Variants in CSMD3 observed in about 807,000 individuals in gnomAD.
CSMD3 encodes the protein CUB and sushi domain-containing protein 3.
In CSMD3, 177 loss-of-function variants were observed where a neutral mutation model predicts 435.2. The ratio of observed to expected loss-of-function variants is 0.41; its 90% CI spans 0.36 to 0.46. The LOEUF (loss-of-function observed/expected upper bound fraction) is 0.46, where lower values mean the gene tolerates loss of function less well. Among genes scored for constraint, CSMD3 ranks in the 20% least tolerant of loss-of-function variants. The pLI is 0.34. For missense variants in CSMD3, 4,265 were observed against 4,504.6 expected (o/e 0.95, Z 1.52); for synonymous variants, 1,656 against 1,520.5 (o/e 1.09, Z -2.07).
intron 1 of CSMD3, among the ~76,000 whole-genome samples, chr8:113,357,628 G>A (rs2094240812): frequency 6.6e-6 from 1 of 152,148 alleles, no homozygotes; most frequent in African/African-American, 2.4e-5. Context: ...AGTATGATAT[G>A]GTTTGGCTTG....
intron 22 of CSMD3, among the ~76,000 whole-genome samples, chr8:112,594,522 C>A (rs1831506371): frequency 6.6e-6 from 1 of 152,208 alleles, no homozygotes; most frequent in Admixed American, 6.5e-5. Flanking sequence ...CACCACAGCT[C>A]AAGGAGGCCT....
At position 112,370,035 on chromosome 8, in the gene CSMD3, A is replaced by AGAAGAAGAG. The variant is rs1563852461; in HGVS notation, c.6136+10316_6136+10317insCTCTTCTTC. 1.3e-4 allele frequency among the ~76,000 whole-genome samples: 12 copies of AGAAGAAGAG among 92,606 alleles called. No individual in the cohort carries two copies. The East Asian group carries it at 4.0e-3, about 31-fold the overall frequency. 60.8% of individuals were successfully genotyped at this position (92,606 alleles called of 152,430 possible). A position where few individuals can be genotyped will look rare whatever the true frequency, so the allele number is the denominator to read the frequency against. On this transcript the variant is annotated intron_variant, in intron 38 of 70. Transcript: ENST00000297405. ...AGGAAGAAGAAGAGGAAGAAGAAGA[A>AGAAGAAGAG]GAAGAAGAAGAAGAAGAAGAAGAAG...
At chr8:112,696,146 T>C (rs1425456454) in intron 13 of CSMD3, among the ~76,000 whole-genome samples, 8 of 152,196 alleles carry the variant, frequency 5.3e-5, no homozygotes, top group Admixed American at 1.3e-4. Context: ...ATGGCTATAC[T>C]GCCCAAGGTA....
At chr8:113,170,821 A>T (rs2092254754) in intron 4 of CSMD3, among the ~76,000 whole-genome samples, 1 of 152,272 alleles carries the variant, frequency 6.6e-6, no homozygotes, top group Non-Finnish European at 1.5e-5. Flanking sequence ...GAGAAAAAAA[A>T]GTGACCTGGG....
chr8:112,776,203 A>G (rs780360605), intron 13 of CSMD3, among the ~76,000 whole-genome samples: 2 of 151,902 alleles, frequency 1.3e-5, no homozygotes, highest in African/African-American at 2.4e-5. Flanking sequence ...CACAATAACC[A>G]TAATAATTTA....
rs2130075346 is a variant in CSMD3 at position 112,408,919 on chromosome 8, C to T, written c.5509G>A (p.Gly1837Arg). The change falls in exon 33 of 71, where the codon GGA (glycine) becomes AGA (arginine). Residue 1837 changes from glycine (G) to arginine (R), a missense_variant and splice_region_variant. Transcript: ENST00000297405. ...GCATGGCAGTTCTATTAAAGGATAC[C>T]TGAATGGGATCCTGAGAGGGAAGAT... ...LLSSLSGSHS[G>R]ESLPLSSGNQ... 1 of 1,613,370 alleles carries T rather than the reference C, an allele frequency of 6.2e-7. No homozygotes were observed. The highest frequency in any genetic ancestry group is 8.5e-7 in the Non-Finnish European group (1 of 1,179,568).
At chr8:112,890,174 C>G (rs914370894) in intron 10 of CSMD3, among the ~76,000 whole-genome samples, 32 of 151,754 alleles carry the variant, frequency 2.1e-4, no homozygotes, top group African/African-American at 7.0e-4. Context: ...AATAAAACAT[C>G]AGTGACATTC....
At chr8:112,684,215 A>T (rs945216372) in intron 15 of CSMD3, among the ~76,000 whole-genome samples, 1 of 152,058 alleles carries the variant, frequency 6.6e-6, no homozygotes, top group African/African-American at 2.4e-5. Context: ...AGACATGTAC[A>T]TGAAGTATTT....
At chr8:112,569,512 C>T (rs749477952) in intron 24 of CSMD3, among the ~76,000 whole-genome samples, 3 of 152,124 alleles carry the variant, frequency 2.0e-5, no homozygotes, top group Admixed American at 6.6e-5. Flanking sequence ...TGAAATAAAA[C>T]GCACTTTAAA....
intron 22 of CSMD3, among the ~76,000 whole-genome samples, chr8:112,632,931 T>C (rs1305901036): frequency 6.6e-6 from 1 of 151,964 alleles, no homozygotes; most frequent in Non-Finnish European, 1.5e-5. Flanking sequence ...AGGAAAATCA[T>C]TCAAATACAA....
intron 4 of CSMD3, among the ~76,000 whole-genome samples, chr8:113,135,883 T>TA (rs983993103): frequency 2.0e-5 from 3 of 151,776 alleles, no homozygotes; most frequent in African/African-American, 7.3e-5. Context: ...TTCAAAATAT[T>TA]AAAAAATACG....
chr8:113,433,611 C>A (rs767561809), intron 1 of CSMD3, among the ~76,000 whole-genome samples: 4 of 152,196 alleles, frequency 2.6e-5, no homozygotes, highest in African/African-American at 9.6e-5. Flanking sequence ...GACGCTCTGG[C>A]GTGGGGTGCG....
chr8:112,916,472 C>A (rs866429452), intron 10 of CSMD3, among the ~76,000 whole-genome samples: 23 of 151,410 alleles, frequency 1.5e-4, no homozygotes, highest in African/African-American at 2.7e-4. Flanking sequence ...GAAAAAAAAA[C>A]CACTAAGAAA....
At chr8:112,623,756 T>C (rs1834263927) in intron 22 of CSMD3, among the ~76,000 whole-genome samples, 1 of 151,854 alleles carries the variant, frequency 6.6e-6, no homozygotes, top group African/African-American at 2.4e-5. Context: ...TGTTGAATAG[T>C]GGGATAGATA....
intron 50 of CSMD3, among the ~76,000 whole-genome samples, chr8:112,309,314 C>T (rs1238423463): frequency 1.3e-5 from 2 of 151,246 alleles, no homozygotes; most frequent in East Asian, 3.9e-4. Context: ...TATATGTATA[C>T]CATATAGGAG....
chr8:112,879,373 C>A (rs906487316), intron 10 of CSMD3, among the ~76,000 whole-genome samples: 1 of 152,082 alleles, frequency 6.6e-6, no homozygotes, highest in Non-Finnish European at 1.5e-5. Flanking sequence ...GGGTTCTCTG[C>A]CCTTGAACCG....
chr8:112,846,134 T>C (rs2080310744), intron 11 of CSMD3, among the ~76,000 whole-genome samples: 1 of 151,766 alleles, frequency 6.6e-6, no homozygotes, highest in Admixed American at 6.6e-5. Context: ...GATACTTTTT[T>C]TGTTAGTACA....
intron 4 of CSMD3, 130 bp from the exon 5 acceptor site, chr8:113,099,093 C>T: frequency 1.5e-6 from 1 of 677,354 alleles, no homozygotes; most frequent in South Asian, 1.6e-5. Flanking sequence ...GCATAATATA[C>T]TAATAGAGAT....
intron 9 of CSMD3, 136 bp downstream of exon 9, chr8:112,947,654 A>G: frequency 1.9e-6 from 1 of 528,930 alleles, no homozygotes; most frequent in Non-Finnish European, 3.3e-6. Context: ...ATTAGATATT[A>G]TTAATAACAA....
Sources: gnomAD v4.1 joint callset for allele counts (sites outside exome capture counted in the v4.1 genomes callset) on GRCh38, gnomAD v4.1.1 for gene constraint, MANE v1.5 for transcripts, NCBI Gene and HGNC (gene_info 2026-07-23, HGNC 2026-07-21) for gene names.